CFAP44: variants seen among roughly 807,000 people sequenced by gnomAD.
The protein encoded by CFAP44 is cilia and flagella associated protein 44.
In CFAP44, 134 loss-of-function variants were observed where a neutral mutation model predicts 216.2. The observed-to-expected ratio is 0.62, with a 90% CI of 0.54 to 0.72. The LOEUF (loss-of-function observed/expected upper bound fraction) is 0.72, where lower values mean the gene tolerates loss of function less well. Among genes scored for constraint, CFAP44 ranks in the 30% least tolerant of loss-of-function variants. CFAP44 has a pLI of 0.00. For synonymous variants in CFAP44, 700 were observed against 727.6 expected, an observed-to-expected ratio of 0.96 and a Z score of 0.61; for missense variants, 2,035 against 2,182.1, an observed-to-expected ratio of 0.93 and a Z score of 1.34.
rs372493912 is a variant in CFAP44 at position 113,399,995 on chromosome 3, C to T, written c.1480G>A (p.Val494Ile). 3 of 1,584,084 alleles carry T rather than the reference C, an allele frequency of 1.9e-6. No homozygotes were observed. Among genetic ancestry groups the T allele is most frequent in the South Asian group, 2.4e-5 (2 of 83,464 alleles). Residue 494 changes from valine (V) to isoleucine (I), a missense_variant, in exon 13 of 35, where the codon GTT becomes ATT. This residue lies in a region of CFAP44 where 1,883 missense variants were observed against 2,023.7 expected (regional missense o/e 0.93). Coordinates refer to ENST00000393845, the MANE Select transcript of CFAP44 (RefSeq NM_001164496.2). ...LMATTALDCS[V>I]RIYDFASKTP... ...TTGCTAGCAAAATCATAGATTCGAA[C>T]AGAGCCTATAGAAAGACAGTTTTAA...
intron 17 of CFAP44, among the ~76,000 whole-genome samples, chr3:113,375,130 T>A (rs1425626753): frequency 7.3e-6 from 1 of 137,378 alleles, no homozygotes; most frequent in African/African-American, 3.0e-5. Flanking sequence ...ATACTTAGAG[T>A]AGTCAAAATC....
Position 113,379,458 on chromosome 3 carries a change from C to T in CFAP44, c.2146G>A (p.Glu716Lys), listed in dbSNP as rs370563038. The T allele has an allele frequency of 2.9e-5, 46 of 1,611,304 alleles. No individual in the cohort carries two copies. The highest frequency in any genetic ancestry group is 3.7e-5 in the Non-Finnish European group (43 of 1,177,662). The change falls in exon 17 of 35, where the codon GAA becomes AAA. Residue 716 changes from glutamate to lysine, a missense_variant. This residue lies in a region of CFAP44 where 1,883 missense variants were observed against 2,023.7 expected (regional missense o/e 0.93). Transcript: ENST00000393845. The stretch of plus-strand genomic sequence containing the variant: ...TCCTGAAATTCTTTTTCTCCATCTT[C>T]TCCCATCTCTGCTGCTAGCTTGTTC... The part of the protein sequence containing the change: ...RRNKLAAEMG[E>K]DGEKEFQEEE...
intron 24 of CFAP44, among the ~76,000 whole-genome samples, chr3:113,337,488 T>C (rs1950290834): frequency 6.6e-6 from 1 of 152,160 alleles, no homozygotes; most frequent in African/African-American, 2.4e-5. Context: ...AAAGTAATTA[T>C]AATGTCTAAA....
chr3:113,352,588 CAG>C (rs1477549218), intron 22 of CFAP44, among the ~76,000 whole-genome samples: 8 of 151,968 alleles, frequency 5.3e-5, no homozygotes, highest in Non-Finnish European at 1.2e-4. Flanking sequence ...AGGCAAATGG[CAG>C]AGCAGGAGAA....
Position 113,294,742 on chromosome 3 carries a change from A to G in CFAP44, c.5318T>C (p.Leu1773Ser), listed in dbSNP as rs1192832436. ...HTRKLYQMND[L>S]CIEKKKLDSR... ...ATCAAGTTTCTTCTTTTCAATACAC[A>G]AATCATTCATCTGATAAAGCTTTCT... The change falls in exon 34 of 35, where the codon TTG becomes TCG. Residue 1773 changes from leucine to serine, a missense_variant. By Grantham distance (145) the Leu-to-Ser change is moderately radical. Around this residue, in one of 3 missense-constraint regions of CFAP44, gnomAD observed 1,883 missense variants for 2,023.7 expected, o/e 0.93. Coordinates refer to ENST00000393845, the MANE Select transcript of CFAP44 (RefSeq NM_001164496.2). The G allele has an allele frequency of 6.5e-7, 1 of 1,536,566 alleles. No homozygotes were observed.
At chr3:113,403,716 T>C (rs995037589) in intron 9 of CFAP44, 136 bp downstream of exon 9, 2 of 934,916 alleles carry the variant, frequency 2.1e-6, no homozygotes, top group Non-Finnish European at 3.0e-6. Context: ...AGAAGCATTA[T>C]TTAAAGTGAG....
chr3:113,401,901 C>T lies in CFAP44; in HGVS notation c.1171-162G>A, dbSNP rs374917262. Among the ~76,000 whole-genome samples the T allele has an allele frequency of 2.3e-4, 35 of 152,106 alleles. 1 individual carries two copies. In the South Asian group the frequency reaches 4.4e-3, roughly 19 times the overall value. On this transcript the variant is annotated intron_variant, in intron 9 of 34. Coordinates refer to ENST00000393845, the MANE Select transcript of CFAP44 (RefSeq NM_001164496.2). ...TAAGAACACCAGCCAAAACCTGACC[C>T]CTGAAATTTTACTCTGAACTGAGGT...
At chr3:113,370,930 G>C (rs201058510) in intron 18 of CFAP44, among the ~76,000 whole-genome samples, 11,083 of 149,752 alleles carry the variant, frequency 0.074, 503 homozygotes, top group East Asian at 0.14. Flanking sequence ...TTCCTATACA[G>C]CAGTAACAGA....
rs1445826155 is a variant in CFAP44 at position 113,330,579 on chromosome 3, T to C, written c.3705A>G (p.Val1235=). 3 of 1,537,252 alleles carry C rather than the reference T, an allele frequency of 2.0e-6. No individual in the cohort carries two copies. The highest frequency in any genetic ancestry group is 2.4e-5 in the South Asian group (2 of 84,066). The change falls in exon 26 of 35, where the codon GTA becomes GTG. Residue 1235 remains valine (V), a synonymous_variant. Coordinates refer to ENST00000393845, the MANE Select transcript of CFAP44 (RefSeq NM_001164496.2). ...VAVVEEIQCL[V]QELKNIQSTL... Reference sequence around the variant, plus strand: ...TCGACTGAATGTTCTTCAGTTCTTGTACCAGGCACTGTATTTCCTCAACAA... The same window carrying C: ...TCGACTGAATGTTCTTCAGTTCTTGCACCAGGCACTGTATTTCCTCAACAA...
In CFAP44 at chr3:113,289,384, C is replaced by G. The variant is rs1559900675; in HGVS notation, c.*2173G>C. On this transcript the variant is annotated 3_prime_UTR_variant, in exon 35 of 35. Transcript: ENST00000393845. ...AAATGCACAGCAAGTCCTGATGTGG[C>G]TCTTCTGTAGACTGTAGGTCCATTC... is the stretch of plus-strand genomic sequence containing the variant. The G allele has an allele frequency of 6.6e-6, 1 of 152,208 alleles. No individual in the cohort carries two copies. The highest frequency in any genetic ancestry group is 1.5e-5 in the Non-Finnish European group (1 of 68,040). 9.4% of individuals were successfully genotyped at this position (152,208 alleles called of 1,614,324 possible). A position where few individuals can be genotyped will look rare whatever the true frequency, so the allele number is the denominator to read the frequency against.
Position 113,379,318 on chromosome 3 carries a change from G to C in CFAP44, c.2286C>G (p.Phe762Leu). ...LCGFYSEPGK[F>L]WVSLGGYDSG... ...CATTGTTACTTACCAAAGAAACCCA[G>C]AACTTCCCTGGCTCTGAGTAAAATC... Residue 762 changes from phenylalanine (F) to leucine (L), a missense_variant, in exon 17 of 35, where the codon TTC becomes TTG. Phe to Leu is a conservative substitution (Grantham distance 22). Transcript: ENST00000393845. 6.4e-7 allele frequency: 1 copy of C among 1,570,138 alleles called. No homozygotes were observed. The highest frequency in any genetic ancestry group is 1.4e-5 in the African/African-American group (1 of 73,846).
intron 6 of CFAP44, among the ~76,000 whole-genome samples, chr3:113,412,470 T>C (rs1433197511): frequency 6.6e-6 from 1 of 152,010 alleles, no homozygotes; most frequent in Non-Finnish European, 1.5e-5. Flanking sequence ...TAGGTATATG[T>C]GTGCCATGGT....
intron 32 of CFAP44, among the ~76,000 whole-genome samples, chr3:113,301,030 T>C (rs116667489): frequency 6.6e-6 from 1 of 152,198 alleles, no homozygotes; most frequent in African/African-American, 2.4e-5. Context: ...GAAACTCTTG[T>C]AAACATATAC....
chr3:113,356,436 A>G (rs1310307994), intron 22 of CFAP44, among the ~76,000 whole-genome samples: 2 of 152,108 alleles, frequency 1.3e-5, no homozygotes, highest in South Asian at 2.1e-4. Flanking sequence ...AAGCTGGAGG[A>G]TTTACAATAT....
At chr3:113,336,527 C>T (rs1045690729) in intron 24 of CFAP44, among the ~76,000 whole-genome samples, 1 of 152,014 alleles carries the variant, frequency 6.6e-6, no homozygotes, top group African/African-American at 2.4e-5. Context: ...AATAGAACAT[C>T]TGGATAGCAC....
chr3:113,372,847 A>C (rs1438529040), intron 18 of CFAP44, among the ~76,000 whole-genome samples: 3 of 152,208 alleles, frequency 2.0e-5, no homozygotes, highest in Non-Finnish European at 1.5e-5. Flanking sequence ...GACAGGCCTC[A>C]GGAGAAACCA....
At chr3:113,434,264 TG>T (rs1435826981) in intron 1 of CFAP44, among the ~76,000 whole-genome samples, 1 of 151,912 alleles carries the variant, frequency 6.6e-6, no homozygotes. Context: ...TAAAACATGA[TG>T]GGGGGTTAGA....
At chr3:113,360,048 T>G (rs1402414256) in intron 21 of CFAP44, among the ~76,000 whole-genome samples, 3 of 151,634 alleles carry the variant, frequency 2.0e-5, no homozygotes, top group African/African-American at 7.3e-5. Context: ...ATAACCAGAT[T>G]CAAACCTATA....
At chr3:113,429,605 T>C (rs1935050809) in intron 2 of CFAP44, among the ~76,000 whole-genome samples, 1 of 152,166 alleles carries the variant, frequency 6.6e-6, no homozygotes, top group Non-Finnish European at 1.5e-5. Flanking sequence ...AATGTTCAGT[T>C]AACTAATAAT....
Sources: allele counts gnomAD v4.1 joint callset (sites outside exome capture counted in the v4.1 genomes callset), GRCh38; gene constraint gnomAD v4.1.1; regional missense constraint gnomAD v4.1.1; transcripts MANE v1.5; gene names NCBI Gene and HGNC (gene_info 2026-07-23, HGNC 2026-07-21).